The following TNMD variants were observed in gnomAD, a reference collection of about 807,000 sequenced individuals.
TNMD encodes tenomodulin, also known as BRICHOS domain containing 4.
Under a neutral mutation model 26.9 loss-of-function variants are expected in TNMD, and 15 were observed. The ratio of observed to expected loss-of-function variants is 0.56; its 90% CI spans 0.37 to 0.86. TNMD has a LOEUF of 0.86. TNMD is among the 40% of genes least tolerant of loss of function. The probability of loss-of-function intolerance (pLI) is 0.00; values close to 1 mark genes in which losing one functional copy is unlikely to be tolerated. For synonymous variants in TNMD, 73 were observed against 77.0 expected, an observed-to-expected ratio of 0.95 and a Z score of 0.27; for missense variants, 222 against 242.6, an observed-to-expected ratio of 0.92 and a Z score of 0.56.
chrX:100,593,924 C>A lies in TNMD; in HGVS notation c.210C>A (p.Ser70Arg), dbSNP rs768624882. The A allele has an allele frequency of 2.5e-6, 3 of 1,209,931 alleles. No individual in the cohort carries two copies. Among genetic ancestry groups the A allele is most frequent in the Non-Finnish European group, 3.4e-6 (3 of 894,442 alleles). Residue 70 changes from serine (S) to arginine (R), a missense_variant, in exon 3 of 7, where the codon AGC (serine) becomes AGA (arginine). Physicochemically the swap from Ser to Arg is moderately radical, Grantham distance 110. Coordinates refer to ENST00000373031, the MANE Select transcript of TNMD (RefSeq NM_022144.3). ...KAYDMEHTFY[S>R]NGEKKKIYME... Reference sequence around the variant, plus strand: ...ATGACATGGAGCACACTTTCTACAGCAATGGAGAGAAGAAGAAGATTTACA... The same window carrying A: ...ATGACATGGAGCACACTTTCTACAGAAATGGAGAGAAGAAGAAGATTTACA...
intron 2 of TNMD, among the ~76,000 whole-genome samples, chrX:100,592,616 T>C (rs1024596100): frequency 1.8e-5 from 2 of 112,356 alleles, no homozygotes; most frequent in Admixed American, 1.9e-4. Context: ...CTTCAGCAGC[T>C]ACATTAGACT....
Position 100,590,361 on chromosome X carries a change from G to A in TNMD, c.181-3534G>A, listed in dbSNP as rs189379996. Reference sequence around the variant, plus strand: ...GCCAAATGTCCTCAAATCCCTGTCAGGACAGGCTAAAGCTTCTTGCCCCTA... The same window carrying A: ...GCCAAATGTCCTCAAATCCCTGTCAAGACAGGCTAAAGCTTCTTGCCCCTA... On this transcript the variant is annotated intron_variant, in intron 2 of 6. Coordinates refer to ENST00000373031, the MANE Select transcript of TNMD (RefSeq NM_022144.3). Among the ~76,000 whole-genome samples, 419 of 112,139 alleles carry A rather than the reference G, an allele frequency of 3.7e-3. 1 individual carries two copies. Among genetic ancestry groups the A allele is most frequent in the Non-Finnish European group, 6.6e-3 (353 of 53,216 alleles).
chrX:100,593,591 G>T (rs1301535966), intron 2 of TNMD: 2 of 183,331 alleles, frequency 1.1e-5, no homozygotes, highest in East Asian at 1.3e-4. Context: ...GTAAGGGGGG[G>T]GTCGTGATTA....
chrX:100,585,004 G>A lies in TNMD; in HGVS notation c.-15G>A. ...CCTCTCAAAGCAAGGAAAGAGTACTGTGTGCTGAGAGACCATGGCAAAGAA... is the reference window on the plus strand; with the variant it reads ...CCTCTCAAAGCAAGGAAAGAGTACTATGTGCTGAGAGACCATGGCAAAGAA... On this transcript the variant is annotated 5_prime_UTR_variant, in exon 1 of 7. It adds an upstream start codon to the 5' untranslated region. Coordinates refer to ENST00000373031, the MANE Select transcript of TNMD (RefSeq NM_022144.3). 1 of 1,208,341 alleles carries A rather than the reference G, an allele frequency of 8.3e-7. No homozygotes were observed. Among genetic ancestry groups the A allele is most frequent in the South Asian group, 1.8e-5 (1 of 56,523 alleles).
rs369353974 is a variant in TNMD, at chrX:100,585,022, G to A, written c.4G>A (p.Ala2Thr). Residue 2 changes from alanine (A) to threonine (T), a missense_variant, in exon 1 of 7, where the codon GCA (alanine) becomes ACA (threonine). Physicochemically the swap from Ala to Thr is moderately conservative, Grantham distance 58. Transcript: ENST00000373031. M[A>T]KNPPENCEDC... ...GAGTACTGTGTGCTGAGAGACCATG[G>A]CAAAGAATCCTCCAGAGAATTGTGA... The A allele has an allele frequency of 1.7e-6, 2 of 1,208,290 alleles. No homozygotes were observed. Among genetic ancestry groups the A allele is most frequent in the Non-Finnish European group, 2.2e-6 (2 of 894,208 alleles).
intron 2 of TNMD, among the ~76,000 whole-genome samples, chrX:100,591,004 G>C (rs2082935730): frequency 9.0e-6 from 1 of 111,599 alleles, no homozygotes; most frequent in Non-Finnish European, 1.9e-5. Flanking sequence ...GGGTCAGATT[G>C]ATTTCTTCTT....
chrX:100,590,906 A>G (rs185910186), intron 2 of TNMD, among the ~76,000 whole-genome samples: 1 of 112,177 alleles, frequency 8.9e-6, no homozygotes, highest in East Asian at 2.8e-4. Flanking sequence ...AAAATCCACT[A>G]TTAGTACTTC....
chrX:100,595,020 T>C (rs1042262750), intron 4 of TNMD, among the ~76,000 whole-genome samples: 2 of 111,804 alleles, frequency 1.8e-5, no homozygotes, highest in Non-Finnish European at 3.8e-5. Context: ...TAAAACCTAA[T>C]GGGAGATGGA....
Position 100,597,788 on chromosome X carries a change from T to C in TNMD, c.577+131T>C. On this transcript the variant is annotated intron_variant, in intron 5 of 6. Transcript: ENST00000373031. ...ATATCTTCTTGGATGAGTCTATATA[T>C]GCTGACTGCCAGTGAGGAGGGAATT... 4 of 656,957 alleles carry C rather than the reference T, an allele frequency of 6.1e-6. No homozygotes were observed. The South Asian group carries it at 9.4e-5, about 15-fold the overall frequency. 54.1% of individuals were successfully genotyped at this position (656,957 alleles called of 1,213,427 possible). A position where few individuals can be genotyped will look rare whatever the true frequency, so the allele number is the denominator to read the frequency against.
chrX:100,596,259 G>A (rs1335619807), intron 4 of TNMD, among the ~76,000 whole-genome samples: 6 of 112,020 alleles, frequency 5.4e-5, no homozygotes, highest in Admixed American at 2.8e-4. Context: ...ACTTGAACCC[G>A]GGAGGTGGAG....
intron 2 of TNMD, 99 bp downstream of exon 2, chrX:100,585,461 T>G: frequency 2.2e-6 from 2 of 900,578 alleles, no homozygotes; most frequent in Non-Finnish European, 1.5e-6. Context: ...AATCATTAAG[T>G]CTCTTTTGTG....
intron 6 of TNMD, 94 bp downstream of exon 6, chrX:100,599,276 C>T (rs1047462772): frequency 2.0e-5 from 16 of 808,964 alleles, no homozygotes; most frequent in African/African-American, 2.3e-5. Context: ...GGAAGGAGAA[C>T]GATCATGGCT....
intron 2 of TNMD, chrX:100,593,363 T>A (rs952154204): frequency 1.3e-6 from 1 of 751,988 alleles, no homozygotes; most frequent in African/African-American, 2.3e-5. Flanking sequence ...AATAAATGTT[T>A]CCTGGAGTTT....
rs2082939995 is a variant in TNMD, at chrX:100,592,265, G to T, written c.181-1630G>T. Among the ~76,000 whole-genome samples the T allele has an allele frequency of 2.7e-5, 3 of 111,901 alleles. No individual in the cohort carries two copies. The Admixed American group carries it at 2.9e-4, about 11-fold the overall frequency. ...ACTGAGAGCTCAATTTGTTGCCACA[G>T]GTAGAAGTTTCTCTTCTCAAGCTGG... is the stretch of plus-strand genomic sequence containing the variant. On this transcript the variant is annotated intron_variant, in intron 2 of 6. Transcript: ENST00000373031.
chrX:100,588,369 G>A (rs777232169), intron 2 of TNMD, among the ~76,000 whole-genome samples: 7 of 110,999 alleles, frequency 6.3e-5, no homozygotes, highest in East Asian at 2.9e-4. Context: ...AAACAAGGAC[G>A]ACTAACTCTG....
intron 2 of TNMD, chrX:100,593,644 T>G: frequency 1.3e-5 from 3 of 229,161 alleles, no homozygotes; most frequent in Non-Finnish European, 1.5e-5. Context: ...AGAAGCAGCA[T>G]AGGTTTTAGG....
Position 100,584,940 on chromosome X carries a change from G to A in TNMD, c.-79G>A, listed in dbSNP as rs955228991. 9 of 978,932 alleles carry A rather than the reference G, an allele frequency of 9.2e-6. No individual in the cohort carries two copies. Among genetic ancestry groups the A allele is most frequent in the Non-Finnish European group, 1.1e-5 (8 of 711,164 alleles). 80.7% of individuals were successfully genotyped at this position (978,932 alleles called of 1,213,427 possible). ...GCTTCTCCTCTGGCATCTGTTAGCC[G>A]ACTCACTTGCAACTCCACCTCAGCA... On this transcript the variant is annotated 5_prime_UTR_variant, in exon 1 of 7. Transcript: ENST00000373031.
chrX:100,599,053 T>C lies in TNMD; in HGVS notation c.615T>C (p.Asp205=), dbSNP rs758532764. 3.3e-6 allele frequency: 4 copies of C among 1,206,835 alleles called. No homozygotes were observed. The highest frequency in any genetic ancestry group is 3.4e-6 in the Non-Finnish European group (3 of 892,979). Residue 205 remains aspartate, a synonymous_variant, in exon 6 of 7, where the codon GAT becomes GAC. Transcript: ENST00000373031. ...ELQDFEEEGE[D]LHFPANEKKG... ...AAGACTTTGAGGAGGAGGGAGAAGATCTTCACTTTCCTGCCAACGAAAAAA... is the reference window on the plus strand; with the variant it reads ...AAGACTTTGAGGAGGAGGGAGAAGACCTTCACTTTCCTGCCAACGAAAAAA...
intron 4 of TNMD, among the ~76,000 whole-genome samples, chrX:100,596,701 G>T (rs1056335792): frequency 1.2e-4 from 13 of 111,728 alleles, no homozygotes; most frequent in African/African-American, 3.3e-4. Flanking sequence ...TCTCAAGGTC[G>T]TTACAGACTC....
Sources: gnomAD v4.1 joint callset for allele counts (sites outside exome capture counted in the v4.1 genomes callset) on GRCh38, gnomAD v4.1.1 for gene constraint, MANE v1.5 for transcripts, NCBI Gene and HGNC (gene_info 2026-07-23, HGNC 2026-07-21) for gene names.